Variants in ERLEC1 observed in about 807,000 individuals in gnomAD.
The protein encoded by ERLEC1 is ER lectin.
In ERLEC1, 47 loss-of-function variants were observed where a neutral mutation model predicts 68.0. The ratio of observed to expected loss-of-function variants is 0.69; its 90% CI spans 0.55 to 0.88. The LOEUF is 0.88. Among genes scored for constraint, ERLEC1 ranks in the 40% least tolerant of loss-of-function variants. The pLI, the probability that ERLEC1 is intolerant of heterozygous loss-of-function variation, is 0.00. For synonymous variants in ERLEC1, 225 were observed against 203.2 expected (o/e 1.11, Z -0.91); for missense variants, 567 against 583.8 (o/e 0.97, Z 0.30).
intron 1 of ERLEC1, chr2:53,788,456 G>A (rs570726734): frequency 6.6e-6 from 1 of 152,314 alleles, no homozygotes; most frequent in East Asian, 1.9e-4. Flanking sequence ...ATTCTGAAGT[G>A]CAGTGGTACG....
At chr2:53,800,533 A>C (rs1406973180) in intron 6 of ERLEC1, among the ~76,000 whole-genome samples, 1 of 152,118 alleles carries the variant, frequency 6.6e-6, no homozygotes, top group African/African-American at 2.4e-5. Flanking sequence ...GGAAATCTCA[A>C]AACATTTTTT....
chr2:53,799,301 T>C (rs1201773845), intron 6 of ERLEC1, among the ~76,000 whole-genome samples: 1 of 152,184 alleles, frequency 6.6e-6, no homozygotes, highest in African/African-American at 2.4e-5. Flanking sequence ...CAAAAATAAA[T>C]CTATCACTGA....
intron 12 of ERLEC1, 90 bp from the exon 13 acceptor site, chr2:53,814,770 C>A: frequency 9.5e-7 from 1 of 1,055,852 alleles, no homozygotes; most frequent in Non-Finnish European, 1.4e-6. Context: ...ATACAGGGTC[C>A]ACTTGAGTGG....
intron 8 of ERLEC1, among the ~76,000 whole-genome samples, chr2:53,807,016 C>A (rs751468946): frequency 6.6e-6 from 1 of 152,190 alleles, no homozygotes; most frequent in Non-Finnish European, 1.5e-5. Flanking sequence ...TGACTCTCTT[C>A]CTCTAGATTT....
At chr2:53,803,701 G>C (rs1676125058) in intron 8 of ERLEC1, among the ~76,000 whole-genome samples, 2 of 152,106 alleles carry the variant, frequency 1.3e-5, no homozygotes, top group African/African-American at 4.8e-5. Flanking sequence ...CTTGAGCCCA[G>C]GAATTCAAGG....
chr2:53,806,914 A>G (rs1676325847), intron 8 of ERLEC1, among the ~76,000 whole-genome samples: 1 of 152,100 alleles, frequency 6.6e-6, no homozygotes, highest in South Asian at 2.1e-4. Context: ...AACCTCTTTA[A>G]TAATAATTAC....
chr2:53,802,362 C>G (rs577944616), intron 8 of ERLEC1, among the ~76,000 whole-genome samples: 4 of 152,256 alleles, frequency 2.6e-5, no homozygotes, highest in Non-Finnish European at 4.4e-5. Flanking sequence ...CCCAATTGAC[C>G]AATTAGAAAC....
Position 53,801,555 on chromosome 2 carries a change from A to C in ERLEC1, c.684A>C (p.Glu228Asp). The part of the protein sequence containing the change: ...ESKHEILSVA[E>D]VTTCEYEVVI... ...AGCATGAAATTCTTTCAGTAGCTGA[A>C]GTTACAACTTGTGAATATGAAGTTG... The change falls in exon 7 of 14, where the codon GAA (glutamate) becomes GAC (aspartate). Residue 228 changes from glutamate to aspartate, a missense_variant. By Grantham distance (45) the Glu-to-Asp change is conservative. Coordinates refer to ENST00000185150, the MANE Select transcript of ERLEC1 (RefSeq NM_015701.5). The C allele has an allele frequency of 6.2e-7, 1 of 1,614,162 alleles. No homozygotes were observed. Among genetic ancestry groups the C allele is most frequent in the Non-Finnish European group, 8.5e-7 (1 of 1,180,000 alleles).
intron 4 of ERLEC1, 23 bp downstream of exon 4, chr2:53,797,615 A>T (rs777652347): frequency 3.1e-5 from 49 of 1,591,646 alleles, no homozygotes; most frequent in Non-Finnish European, 4.0e-5. Flanking sequence ...TCAAAATATT[A>T]TTATGAAACA....
chr2:53,812,809 T>C (rs1676660074), intron 10 of ERLEC1, 140 bp from the exon 11 acceptor site: 2 of 799,784 alleles, frequency 2.5e-6, no homozygotes, highest in Non-Finnish European at 1.9e-6. Flanking sequence ...ACTCATTGAA[T>C]TTGACTGACA....
At position 53,809,242 on chromosome 2, in the gene ERLEC1, G is replaced by T; in HGVS notation, c.1070G>T (p.Cys357Phe). 1 of 1,577,484 alleles carries T rather than the reference G, an allele frequency of 6.3e-7. No individual in the cohort carries two copies. The highest frequency in any genetic ancestry group is 2.3e-5 in the East Asian group (1 of 42,964). Residue 357 changes from cysteine to phenylalanine, a missense_variant, in exon 10 of 14, where the codon TGC (cysteine) becomes TTC (phenylalanine). Cys to Phe is a radical substitution (Grantham distance 205). Coordinates refer to ENST00000185150, the MANE Select transcript of ERLEC1 (RefSeq NM_015701.5). ...GGVGWWKYEFCYGKHVHQYHE... is the reference protein window; with the variant it reads ...GGVGWWKYEFFYGKHVHQYHE... ...GTCGGTTGGTGGAAATATGAATTCT[G>T]CTATGGCAAACATGTACATCAATAC...
rs1573052117 is a variant in ERLEC1 at position 53,787,101 on chromosome 2, A to C, written c.-110A>C. The C allele has an allele frequency of 4.5e-5, 61 of 1,341,140 alleles. No homozygotes were observed. The highest frequency in any genetic ancestry group is 2.8e-4 in the Middle Eastern group (1 of 3,622). The allele number at this position is 1,341,140 out of a possible 1,614,324, so 83.1% of individuals were successfully genotyped here. On this transcript the variant is annotated 5_prime_UTR_variant, in exon 1 of 14. Transcript: ENST00000185150. ...ACGTGGCGGCGGTTGGGCCGGTGAT[A>C]CCCGGGCGCTTTATAGTCCCGCCGC... is the stretch of plus-strand genomic sequence containing the variant.
chr2:53,800,915 G>A (rs573247502), intron 6 of ERLEC1, among the ~76,000 whole-genome samples: 1 of 152,156 alleles, frequency 6.6e-6, no homozygotes, highest in East Asian at 1.9e-4. Context: ...TTAAACTTCT[G>A]TTTTAGAATA....
rs906416660 is a variant in ERLEC1, at chr2:53,809,211, T to C, written c.1042-3T>C. 2 of 1,583,308 alleles carry C rather than the reference T, an allele frequency of 1.3e-6. No homozygotes were observed. Among genetic ancestry groups the C allele is most frequent in the African/African-American group, 2.8e-5 (2 of 72,570 alleles). The stretch of plus-strand genomic sequence containing the variant: ...TGATCTAATATGTTTTCTTTTTTTT[T>C]AGGGTGTCGGTTGGTGGAAATATGA... On this transcript the variant is annotated splice_region_variant and splice_polypyrimidine_tract_variant and intron_variant, in intron 9 of 13. Coordinates refer to ENST00000185150, the MANE Select transcript of ERLEC1 (RefSeq NM_015701.5).
At chr2:53,805,800 C>CA (rs1676265731) in intron 8 of ERLEC1, among the ~76,000 whole-genome samples, 1 of 152,174 alleles carries the variant, frequency 6.6e-6, no homozygotes, top group African/African-American at 2.4e-5. Context: ...CACATCCTTG[C>CA]CAGCATTTCT....
At chr2:53,805,968 G>T (rs574916883) in intron 8 of ERLEC1, among the ~76,000 whole-genome samples, 2 of 152,324 alleles carry the variant, frequency 1.3e-5, no homozygotes, top group South Asian at 4.1e-4. Flanking sequence ...TGTAGGATGA[G>T]TAGTTAGTTA....
At position 53,809,258 on chromosome 2, in the gene ERLEC1, A is replaced by C. The variant is rs1355739407; in HGVS notation, c.1086A>C (p.Val362=). The C allele has an allele frequency of 1.9e-6, 3 of 1,575,088 alleles. No individual in the cohort carries two copies. The African/African-American group carries it at 4.2e-5, about 22-fold the overall frequency. Residue 362 remains valine, a synonymous_variant, in exon 10 of 14, where the codon GTA becomes GTC. Coordinates refer to ENST00000185150, the MANE Select transcript of ERLEC1 (RefSeq NM_015701.5). ...ATGAATTCTGCTATGGCAAACATGT[A>C]CATCAATACCATGAGGTATAGAATA... The part of the protein sequence containing the change: ...WKYEFCYGKH[V]HQYHEDKDSG...
intron 8 of ERLEC1, among the ~76,000 whole-genome samples, chr2:53,807,850 C>A (rs1002040483): frequency 4.0e-5 from 6 of 151,384 alleles, no homozygotes; most frequent in Non-Finnish European, 7.4e-5. Context: ...CTGAAAACAA[C>A]AACAACAACA....
rs368161614 is a variant in ERLEC1 at position 53,789,968 on chromosome 2, G to A, written c.162+2596G>A. ...TTGGAGGCAGAAGTTGCAGTGATCC[G>A]AGATCATGCCACTGCACTCCATCCT... On this transcript the variant is annotated intron_variant, in intron 1 of 13. Transcript: ENST00000185150. 1.2e-4 allele frequency among the ~76,000 whole-genome samples: 18 copies of A among 147,728 alleles called. No individual in the cohort carries two copies. The East Asian group carries it at 1.4e-3, about 12-fold the overall frequency.
Sources: gnomAD v4.1 joint callset for allele counts (sites outside exome capture counted in the v4.1 genomes callset) on GRCh38, gnomAD v4.1.1 for gene constraint, MANE v1.5 for transcripts, NCBI Gene and HGNC (gene_info 2026-07-23, HGNC 2026-07-21) for gene names.